SVIP: variants seen among roughly 807,000 people sequenced by gnomAD.
The protein encoded by SVIP is small VCP interacting protein.
A neutral mutation model predicts 12.9 loss-of-function variants in SVIP; 14 were observed. That is an observed-to-expected ratio of 1.08 (90% CI 0.72 to 1.70). The LOEUF (loss-of-function observed/expected upper bound fraction) is 1.70, where lower values mean the gene tolerates loss of function less well. Ranked by LOEUF, SVIP falls within the 40% of genes most tolerant of loss-of-function variation. The probability of loss-of-function intolerance (pLI) is 0.00; values close to 1 mark genes in which losing one functional copy is unlikely to be tolerated. For missense variants in SVIP, 93 were observed against 90.8 expected (o/e 1.02, Z -0.10); for synonymous variants, 35 against 33.3 (o/e 1.05, Z -0.17).
In SVIP at chr11:22,821,398, G is replaced by A. The variant is rs1462792016; in HGVS notation, c.*1721C>T. ...AGTAATAGATCTGAATATCATTCATGGTTAACAATAGATAGTGTGACATTT... is the reference window on the plus strand; with the variant it reads ...AGTAATAGATCTGAATATCATTCATAGTTAACAATAGATAGTGTGACATTT... On this transcript the variant is annotated 3_prime_UTR_variant, in exon 4 of 4. Coordinates refer to ENST00000354193, the MANE Select transcript of SVIP (RefSeq NM_148893.3). 6.6e-6 allele frequency: 1 copy of A among 151,874 alleles called. No individual in the cohort carries two copies. Among genetic ancestry groups the A allele is most frequent in the Non-Finnish European group, 1.5e-5 (1 of 67,990 alleles). 9.4% of individuals were successfully genotyped at this position (151,874 alleles called of 1,614,324 possible).
In SVIP at chr11:22,820,065, C is replaced by T. The variant is rs1176030738; in HGVS notation, c.*3054G>A. ...CTTTTGAGAAAATTGAAGAAAAAAG[C>T]CACAATACTATATTTGAATTAGCTT... On this transcript the variant is annotated 3_prime_UTR_variant, in exon 4 of 4. Coordinates refer to ENST00000354193, the MANE Select transcript of SVIP (RefSeq NM_148893.3). The T allele has an allele frequency of 2.6e-5, 4 of 152,222 alleles. 1 individual carries two copies. In the South Asian group the frequency reaches 8.3e-4, roughly 32 times the overall value. The allele number at this position is 152,222 out of a possible 1,614,324, so 9.4% of individuals were successfully genotyped here. A position where few individuals can be genotyped will look rare whatever the true frequency, so the allele number is the denominator to read the frequency against.
intron 1 of SVIP, among the ~76,000 whole-genome samples, chr11:22,828,716 C>T (rs1403415073): frequency 6.6e-6 from 1 of 152,014 alleles, no homozygotes; most frequent in Non-Finnish European, 1.5e-5. Context: ...ACAACAAAAT[C>T]AACTTAATTT....
At chr11:22,824,461 C>T (rs377048365) in intron 3 of SVIP, among the ~76,000 whole-genome samples, 4,311 of 44,122 alleles carry the variant, frequency 0.098, 150 homozygotes, top group African/African-American at 0.18. Flanking sequence ...TATATATATA[C>T]ACATATATAT....
At chr11:22,824,372 A>G (rs1857595084) in intron 3 of SVIP, among the ~76,000 whole-genome samples, 1 of 150,980 alleles carries the variant, frequency 6.6e-6, no homozygotes, top group South Asian at 2.1e-4. Flanking sequence ...ATATTTGGCA[A>G]TCTCTTGATA....
intron 3 of SVIP, among the ~76,000 whole-genome samples, 196 bp from the exon 4 acceptor site, chr11:22,823,329 A>C (rs923171972): frequency 1.3e-5 from 2 of 152,220 alleles, no homozygotes; most frequent in East Asian, 1.9e-4. Context: ...AGCATAAAGA[A>C]GACAAAATAT....
chr11:22,825,738 G>A (rs1178011969), intron 3 of SVIP, among the ~76,000 whole-genome samples: 1 of 151,988 alleles, frequency 6.6e-6, no homozygotes, highest in Non-Finnish European at 1.5e-5. Flanking sequence ...TACTTTAAAA[G>A]CTGATGTTAA....
At chr11:22,828,559 T>C (rs11026806) in intron 1 of SVIP, among the ~76,000 whole-genome samples, 345 of 152,224 alleles carry the variant, frequency 2.3e-3, no homozygotes, top group African/African-American at 7.9e-3. Flanking sequence ...GGGGAATATA[T>C]TTTGTTTAAC....
In SVIP at chr11:22,824,494, A is replaced by G. The variant is rs988418392; in HGVS notation, c.220-1361T>C. 9.2e-5 allele frequency among the ~76,000 whole-genome samples: 12 copies of G among 130,372 alleles called. No homozygotes were observed. In the East Asian group the frequency reaches 3.8e-3, roughly 42 times the overall value. The allele number at this position is 130,372 out of a possible 152,430, so 85.5% of individuals were successfully genotyped here. On this transcript the variant is annotated intron_variant, in intron 3 of 3. Coordinates refer to ENST00000354193, the MANE Select transcript of SVIP (RefSeq NM_148893.3). ...TATACGTATATATATATGTATATAT[A>G]TACGTATATATATACACACATATAT...
rs1396303258 is a variant in SVIP at position 22,822,517 on chromosome 11, A to G, written c.*602T>C. 1 of 152,144 alleles carries G rather than the reference A, an allele frequency of 6.6e-6. No individual in the cohort carries two copies. Among genetic ancestry groups the G allele is most frequent in the African/African-American group, 2.4e-5 (1 of 41,446 alleles). The allele number at this position is 152,144 out of a possible 1,614,324, so 9.4% of individuals were successfully genotyped here. On this transcript the variant is annotated 3_prime_UTR_variant, in exon 4 of 4. Coordinates refer to ENST00000354193, the MANE Select transcript of SVIP (RefSeq NM_148893.3). ...CCTTTATCATAAAGTAAAACAGGGT[A>G]TGTTAATTTTATAAGCTACATAAAT...
In SVIP at chr11:22,820,722, G is replaced by A. The variant is rs1857448763; in HGVS notation, c.*2397C>T. On this transcript the variant is annotated 3_prime_UTR_variant, in exon 4 of 4. Transcript: ENST00000354193. ...CCAAATACCAGCAGTGGAACAAACA[G>A]AAACACAGAGATGTTTTAAAAAACA... The A allele has an allele frequency of 1.3e-5, 2 of 152,128 alleles. No homozygotes were observed. Among genetic ancestry groups the A allele is most frequent in the African/African-American group, 4.8e-5 (2 of 41,424 alleles). 9.4% of individuals were successfully genotyped at this position (152,128 alleles called of 1,614,324 possible).
At chr11:22,823,185 AACAGT>A in intron 3 of SVIP, 52 bp from the exon 4 acceptor site, 1 of 1,355,284 alleles carries the variant, frequency 7.4e-7, no homozygotes, top group Non-Finnish European at 1.0e-6. Flanking sequence ...GAAGTTATAT[AACAGT>A]ACTTCAGTGA....
chr11:22,820,446 A>G lies in SVIP; in HGVS notation c.*2673T>C, dbSNP rs144213379. 2 of 152,318 alleles carry G rather than the reference A, an allele frequency of 1.3e-5. No homozygotes were observed. The highest frequency in any genetic ancestry group is 4.8e-5 in the African/African-American group (2 of 41,570). 9.4% of individuals were successfully genotyped at this position (152,318 alleles called of 1,614,324 possible). ...TTATAGAAAATCCACCTATAAATCCAGGGATTGTATGAACACACCAAACAA... is the reference window on the plus strand; with the variant it reads ...TTATAGAAAATCCACCTATAAATCCGGGGATTGTATGAACACACCAAACAA... On this transcript the variant is annotated 3_prime_UTR_variant, in exon 4 of 4. Transcript: ENST00000354193.
At position 22,819,966 on chromosome 11, in the gene SVIP, A is replaced by G. The variant is rs1488733195; in HGVS notation, c.*3153T>C. The G allele has an allele frequency of 6.6e-6, 1 of 152,234 alleles. No individual in the cohort carries two copies. Among genetic ancestry groups the G allele is most frequent in the Non-Finnish European group, 1.5e-5 (1 of 68,038 alleles). 9.4% of individuals were successfully genotyped at this position (152,234 alleles called of 1,614,324 possible). A position where few individuals can be genotyped will look rare whatever the true frequency, so the allele number is the denominator to read the frequency against. On this transcript the variant is annotated 3_prime_UTR_variant, in exon 4 of 4. Transcript: ENST00000354193. The stretch of plus-strand genomic sequence containing the variant: ...AATAAAAAGCCATATCAAATGGGAA[A>G]CTTAGTGTTTTGAGTTACTGGAACC...
chr11:22,825,444 A>C (rs979970113), intron 3 of SVIP, among the ~76,000 whole-genome samples: 4 of 152,158 alleles, frequency 2.6e-5, no homozygotes, highest in African/African-American at 9.7e-5. Flanking sequence ...AATTACTCAC[A>C]GTGGACAACA....
intron 2 of SVIP, 31 bp downstream of exon 2, chr11:22,827,793 T>G (rs754892504): frequency 1.3e-6 from 2 of 1,554,718 alleles, no homozygotes; most frequent in Non-Finnish European, 1.7e-6. Flanking sequence ...CTCAATTATC[T>G]AAGTAGGCAA....
At position 22,820,150 on chromosome 11, in the gene SVIP, T is replaced by C. The variant is rs1250725168; in HGVS notation, c.*2969A>G. 6.6e-6 allele frequency: 1 copy of C among 152,208 alleles called. No homozygotes were observed. The highest frequency in any genetic ancestry group is 1.5e-5 in the Non-Finnish European group (1 of 68,032). The allele number at this position is 152,208 out of a possible 1,614,324, so 9.4% of individuals were successfully genotyped here. On this transcript the variant is annotated 3_prime_UTR_variant, in exon 4 of 4. Transcript: ENST00000354193. ...CTTGCTTGGAGATGTTAAAGAAATA[T>C]ACCTTATGTCTCAACACATATAGGC...
In SVIP at chr11:22,828,942, A is replaced by C. The variant is rs77015911; in HGVS notation, c.54+753T>G. On this transcript the variant is annotated intron_variant, in intron 1 of 3. Transcript: ENST00000354193. ...ATACTGTTAACAGAAAGCTACAAAA[A>C]GTGTACATGTATTGTACCACACACC... Among the ~76,000 whole-genome samples, 825 of 152,350 alleles carry C rather than the reference A, an allele frequency of 5.4e-3. 7 individuals carry two copies. Among genetic ancestry groups the C allele is most frequent in the Non-Finnish European group, 9.3e-3 (631 of 68,034 alleles).
chr11:22,826,963 G>C (rs557716020), intron 3 of SVIP, among the ~76,000 whole-genome samples: 83 of 152,112 alleles, frequency 5.5e-4, no homozygotes, highest in Non-Finnish European at 1.0e-3. Flanking sequence ...GTAAGCATAA[G>C]AGTATTAAAA....
chr11:22,827,653 T>C (rs1363505238), intron 2 of SVIP, among the ~76,000 whole-genome samples, 171 bp downstream of exon 2: 1 of 152,060 alleles, frequency 6.6e-6, no homozygotes, highest in Non-Finnish European at 1.5e-5. Context: ...TATAAATATA[T>C]TAATGCAATT....
Sources: allele counts gnomAD v4.1 joint callset (sites outside exome capture counted in the v4.1 genomes callset), GRCh38; gene constraint gnomAD v4.1.1; transcripts MANE v1.5; gene names NCBI Gene and HGNC (gene_info 2026-07-23, HGNC 2026-07-21).